Variants in CDH22 observed in about 807,000 individuals in gnomAD.
CDH22 encodes cadherin-22.
In CDH22, 30 loss-of-function variants were observed where a neutral mutation model predicts 58.4. The observed-to-expected ratio is 0.51, with a 90% CI of 0.38 to 0.70. The LOEUF (loss-of-function observed/expected upper bound fraction) is 0.70, where lower values mean the gene tolerates loss of function less well. Among genes scored for constraint, CDH22 ranks in the 30% least tolerant of loss-of-function variants. The pLI is 0.00. For synonymous variants in CDH22, 513 were observed against 558.2 expected, an observed-to-expected ratio of 0.92 and a Z score of 1.14; for missense variants, 1,014 against 1,233.9, an observed-to-expected ratio of 0.82 and a Z score of 2.67.
intron 3 of CDH22, among the ~76,000 whole-genome samples, chr20:46,236,484 T>C (rs933534533): frequency 7.4e-6 from 1 of 135,998 alleles, no homozygotes; most frequent in Non-Finnish European, 1.5e-5. Flanking sequence ...ATTTTATATA[T>C]CTATATAAAT....
chr20:46,200,160 G>A (rs534995292), intron 7 of CDH22, among the ~76,000 whole-genome samples: 2 of 150,360 alleles, frequency 1.3e-5, no homozygotes, highest in South Asian at 4.2e-4. Flanking sequence ...TTTTTCAGTA[G>A]AGACGGGGTT....
intron 8 of CDH22, among the ~76,000 whole-genome samples, chr20:46,197,579 T>A (rs1259783869): frequency 6.6e-6 from 1 of 151,930 alleles, no homozygotes; most frequent in Non-Finnish European, 1.5e-5. Flanking sequence ...GCCAGGCCAG[T>A]CCTCCCTCAC....
intron 8 of CDH22, among the ~76,000 whole-genome samples, chr20:46,188,850 T>A (rs1235373493): frequency 2.0e-5 from 3 of 151,960 alleles, no homozygotes; most frequent in Admixed American, 2.0e-4. Flanking sequence ...CTCAGGAACA[T>A]CTCCTGGAGG....
At chr20:46,189,199 G>C (rs573421680) in intron 8 of CDH22, among the ~76,000 whole-genome samples, 13 of 152,320 alleles carry the variant, frequency 8.5e-5, no homozygotes, top group Admixed American at 2.6e-4. Flanking sequence ...TTAGCCAGGG[G>C]CACATTATCT....
At chr20:46,225,435 T>A (rs2086164267) in intron 4 of CDH22, among the ~76,000 whole-genome samples, 1 of 152,184 alleles carries the variant, frequency 6.6e-6, no homozygotes, top group South Asian at 2.1e-4. Flanking sequence ...AATGTATTGT[T>A]AAGTGAAAAA....
In CDH22 at chr20:46,255,115, C is replaced by T. The variant is rs150176781; in HGVS notation, c.-399-3422G>A. On this transcript the variant is annotated intron_variant, in intron 1 of 11. Coordinates refer to ENST00000537909, the MANE Select transcript of CDH22 (RefSeq NM_021248.3). ...CGGCTCCCTGCAACCTCCGCCTCCC[C>T]GGCTCAAGCAGTTCTCCTGCCTCAG... 2.9e-3 allele frequency among the ~76,000 whole-genome samples: 446 copies of T among 152,226 alleles called. 6 individuals are homozygous for T. The East Asian group carries it at 0.043, about 15-fold the overall frequency.
intron 4 of CDH22, 60 bp downstream of exon 4, chr20:46,227,448 T>TG: frequency 1.4e-6 from 2 of 1,404,418 alleles, no homozygotes; most frequent in South Asian, 1.2e-5. Flanking sequence ...GTGGTCCTCG[T>TG]CCCGCCCCGC....
intron 1 of CDH22, among the ~76,000 whole-genome samples, chr20:46,265,030 C>T (rs1367980887): frequency 4.6e-5 from 7 of 152,194 alleles, no homozygotes; most frequent in African/African-American, 1.7e-4. Context: ...CCCTGCCCTG[C>T]CCCCACCCTG....
In CDH22 at chr20:46,274,414, T is replaced by G. The variant is rs145191265; in HGVS notation, c.-399-22721A>C. On this transcript the variant is annotated intron_variant, in intron 1 of 11. Transcript: ENST00000537909. ...TGCCTTTCTCCTTAAACTCAGTGGA[T>G]TTATTTAATTAATGATATTAATGAA... 9.3e-4 allele frequency among the ~76,000 whole-genome samples: 142 copies of G among 152,316 alleles called. 2 individuals are homozygous for G. In the East Asian group the frequency reaches 0.025, roughly 27 times the overall value.
At chr20:46,266,304 C>T (rs547741214) in intron 1 of CDH22, among the ~76,000 whole-genome samples, 8 of 152,184 alleles carry the variant, frequency 5.3e-5, no homozygotes, top group Non-Finnish European at 7.3e-5. Context: ...CCGTAGGATG[C>T]ACAGCTGTGC....
In CDH22 at chr20:46,199,527, T is replaced by C; in HGVS notation, c.1319A>G (p.Gln440Arg). 1 of 1,613,940 alleles carries C rather than the reference T, an allele frequency of 6.2e-7. No individual in the cohort carries two copies. The highest frequency in any genetic ancestry group is 8.5e-7 in the Non-Finnish European group (1 of 1,179,996). ...YAIDRESDLD[Q>R]IFDIDADTGA... ...TGTGTCCGCATCGATATCGAAGATC[T>C]GGTCCAAATCTGATTCGCGGTCAAT... The change falls in exon 8 of 12, where the codon CAG becomes CGG. Residue 440 changes from glutamine to arginine, a missense_variant. This residue lies in a region of CDH22 where 806 missense variants were observed against 1,038.7 expected (regional missense o/e 0.78). Transcript: ENST00000537909.
intron 3 of CDH22, among the ~76,000 whole-genome samples, chr20:46,237,604 C>T (rs1297114382): frequency 6.6e-6 from 1 of 152,180 alleles, no homozygotes; most frequent in Non-Finnish European, 1.5e-5. Flanking sequence ...CTTCTCCCTT[C>T]CCCCTCCTTG....
chr20:46,197,295 G>GATAT lies in CDH22; in HGVS notation c.1423+2124_1423+2127dup, dbSNP rs34730995. ...ATGTGCTGGAAAGCATCTAGGCCAG[G>GATAT]ATATATATATATATATATATATACA... On this transcript the variant is annotated intron_variant, in intron 8 of 11. Transcript: ENST00000537909. Among the ~76,000 whole-genome samples the GATAT allele has an allele frequency of 9.9e-3, 1,406 of 141,968 alleles. 22 individuals are homozygous for GATAT. The highest frequency in any genetic ancestry group is 0.051 in the Middle Eastern group (13 of 254). The allele number at this position is 141,968 out of a possible 152,430, so 93.1% of individuals were successfully genotyped here.
chr20:46,278,742 C>T (rs1320758749), intron 1 of CDH22, among the ~76,000 whole-genome samples: 1 of 152,138 alleles, frequency 6.6e-6, no homozygotes. Flanking sequence ...TGCCACCACA[C>T]CTGGCTATTA....
At chr20:46,238,342 G>C (rs1043863859) in intron 3 of CDH22, among the ~76,000 whole-genome samples, 1 of 152,204 alleles carries the variant, frequency 6.6e-6, no homozygotes, top group East Asian at 1.9e-4. Flanking sequence ...CCTTGGACAT[G>C]TCACTGTCTC....
At chr20:46,228,219 C>A (rs953944568) in intron 3 of CDH22, among the ~76,000 whole-genome samples, 2 of 151,046 alleles carry the variant, frequency 1.3e-5, no homozygotes, top group Non-Finnish European at 2.9e-5. Context: ...GGGTCAGAGG[C>A]CAGTGTCTCT....
chr20:46,231,498 C>T (rs2086220450), intron 3 of CDH22, among the ~76,000 whole-genome samples: 1 of 152,200 alleles, frequency 6.6e-6, no homozygotes, highest in South Asian at 2.1e-4. Context: ...GACTGAATCC[C>T]TCACTGAACT....
chr20:46,232,714 C>T (rs914543229), intron 3 of CDH22, among the ~76,000 whole-genome samples: 8 of 152,172 alleles, frequency 5.3e-5, no homozygotes, highest in African/African-American at 7.2e-5. Flanking sequence ...TCTCTGGGAA[C>T]GCTCAGATTA....
chr20:46,189,500 G>A (rs2085849106), intron 8 of CDH22, among the ~76,000 whole-genome samples: 1 of 152,146 alleles, frequency 6.6e-6, no homozygotes, highest in South Asian at 2.1e-4. Context: ...GGGTGTGTGG[G>A]CTGGAGGGAG....
Sources: allele counts gnomAD v4.1 joint callset (sites outside exome capture counted in the v4.1 genomes callset), GRCh38; gene constraint gnomAD v4.1.1; regional missense constraint gnomAD v4.1.1; transcripts MANE v1.5; gene names NCBI Gene and HGNC (gene_info 2026-07-23, HGNC 2026-07-21).